The following NANOG variants were observed in gnomAD, a reference collection of about 807,000 sequenced individuals.
NANOG encodes the protein Nanog homeobox.
In NANOG, 2 loss-of-function variants were observed where a neutral mutation model predicts 17.7. That is an observed-to-expected ratio of 0.11 (90% CI 0.05 to 0.36). The LOEUF is 0.36. NANOG is among the 10% of genes least tolerant of loss of function. The probability of loss-of-function intolerance (pLI) is 1.00; values close to 1 mark genes in which losing one functional copy is unlikely to be tolerated. For synonymous variants in NANOG, 81 were observed against 124.7 expected (o/e 0.65, Z 2.33); for missense variants, 174 against 362.1 (o/e 0.48, Z 4.22).
At chr12:7,791,204 G>A (rs1862836312) in intron 1 of NANOG, among the ~76,000 whole-genome samples, 1 of 151,324 alleles carries the variant, frequency 6.6e-6, no homozygotes, top group Admixed American at 6.6e-5. Flanking sequence ...CGCCTCCTAG[G>A]TTCAGGTGAT....
At chr12:7,790,221 C>T (rs1320709299) in intron 1 of NANOG, among the ~76,000 whole-genome samples, 2 of 152,270 alleles carry the variant, frequency 1.3e-5, no homozygotes, top group African/African-American at 2.4e-5. Context: ...TGGCAAATCA[C>T]GATGAGATTT....
rs1862962096 is a variant in NANOG at position 7,798,843 on chromosome 12, G to GA, written c.*3749dup. The GA allele has an allele frequency of 8.9e-6, 1 of 112,226 alleles. No individual in the cohort carries two copies. Among genetic ancestry groups the GA allele is most frequent in the Non-Finnish European group, 1.8e-5 (1 of 55,150 alleles). 7.0% of individuals were successfully genotyped at this position (112,226 alleles called of 1,614,324 possible). A position where few individuals can be genotyped will look rare whatever the true frequency, so the allele number is the denominator to read the frequency against. Reference sequence around the variant, plus strand: ...GCCAGACAGAGGCAGGAAAGTGGGGGAGAGCCCTTGGTAAATATTGCATGC... The same window carrying GA: ...GCCAGACAGAGGCAGGAAAGTGGGGGAAGAGCCCTTGGTAAATATTGCATGC... On this transcript the variant is annotated 3_prime_UTR_variant, in exon 4 of 4. Transcript: ENST00000229307.
chr12:7,790,455 G>T (rs1862824060), intron 1 of NANOG, among the ~76,000 whole-genome samples: 2 of 152,202 alleles, frequency 1.3e-5, no homozygotes, highest in Middle Eastern at 3.4e-3. Context: ...GTCCAGTTTG[G>T]CTTCAAAACC....
chr12:7,793,349 A>G, intron 2 of NANOG, 137 bp downstream of exon 2: 1 of 756,118 alleles, frequency 1.3e-6, no homozygotes, highest in South Asian at 1.9e-5. Flanking sequence ...TGAAGATGAA[A>G]TGCTTTTGTA....
In NANOG at chr12:7,798,135, G is replaced by A. The variant is rs761366403; in HGVS notation, c.*3040G>A. On this transcript the variant is annotated 3_prime_UTR_variant, in exon 4 of 4. Transcript: ENST00000229307. The stretch of plus-strand genomic sequence containing the variant: ...CTCACACCTGTAATCCCAGCACTTC[G>A]GGAGACCAAGGCAGGTGGATCACCT... 4 of 152,140 alleles carry A rather than the reference G, an allele frequency of 2.6e-5. No individual in the cohort carries two copies. In the East Asian group the frequency reaches 5.8e-4, roughly 22 times the overall value. The allele number at this position is 152,140 out of a possible 1,614,324, so 9.4% of individuals were successfully genotyped here. A position where few individuals can be genotyped will look rare whatever the true frequency, so the allele number is the denominator to read the frequency against.
At position 7,793,786 on chromosome 12, in the gene NANOG, C is replaced by T. The variant is rs755984025; in HGVS notation, c.414+574C>T. Among the ~76,000 whole-genome samples the T allele has an allele frequency of 1.7e-3, 258 of 152,106 alleles. 2 individuals are homozygous for T. The highest frequency in any genetic ancestry group is 6.0e-3 in the African/African-American group (250 of 41,546). On this transcript the variant is annotated intron_variant, in intron 2 of 3. Coordinates refer to ENST00000229307, the MANE Select transcript of NANOG (RefSeq NM_024865.4). ...GCCTCATAATGAGACATCATAATGA[C>T]ATTAGCATTACTTGGTTTAAGTACA...
chr12:7,797,374 T>TTTTTG lies in NANOG; in HGVS notation c.*2279_*2280insTTTTG, dbSNP rs1862945797. The stretch of plus-strand genomic sequence containing the variant: ...TCTGGGCAATTTTTTTTTTTTTTTT[T>TTTTTG]GAGATGGAACTTCACTTTTGTTACT... On this transcript the variant is annotated 3_prime_UTR_variant, in exon 4 of 4. Transcript: ENST00000229307. The TTTTTG allele has an allele frequency of 1.3e-5, 2 of 150,198 alleles. No homozygotes were observed. The highest frequency in any genetic ancestry group is 4.9e-5 in the African/African-American group (2 of 40,762). The allele number at this position is 150,198 out of a possible 1,614,324, so 9.3% of individuals were successfully genotyped here. A position where few individuals can be genotyped will look rare whatever the true frequency, so the allele number is the denominator to read the frequency against.
At chr12:7,790,983 G>T (rs749959547) in intron 1 of NANOG, among the ~76,000 whole-genome samples, 1 of 152,206 alleles carries the variant, frequency 6.6e-6, no homozygotes, top group Non-Finnish European at 1.5e-5. Flanking sequence ...GACCTCAAGT[G>T]ATCCTCCACC....
Position 7,794,889 on chromosome 12 carries a change from A to T in NANOG, c.712A>T (p.Ser238Cys), listed in dbSNP as rs2120574747. ...ATCCTGGAACAATCAGGCCTGGAAC[A>T]GTCCCTTCTATAACTGTGGAGAGGA... ...TQSWNNQAWN[S>C]PFYNCGEESL... The change falls in exon 4 of 4, where the codon AGT becomes TGT. Residue 238 changes from serine (S) to cysteine (C), a missense_variant. Ser to Cys is a moderately radical substitution (Grantham distance 112). Around this residue, in one of 2 missense-constraint regions of NANOG, gnomAD observed 16 missense variants for 117.9 expected, o/e 0.14. Transcript: ENST00000229307. The T allele has an allele frequency of 7.5e-7, 1 of 1,329,012 alleles. No homozygotes were observed. The highest frequency in any genetic ancestry group is 1.2e-5 in the South Asian group (1 of 81,918). 82.3% of individuals were successfully genotyped at this position (1,329,012 alleles called of 1,614,324 possible). A position where few individuals can be genotyped will look rare whatever the true frequency, so the allele number is the denominator to read the frequency against.
chr12:7,794,684 C>G lies in NANOG; in HGVS notation c.507C>G (p.Ala169=). The change falls in exon 4 of 4, where the codon GCC becomes GCG. Residue 169 remains alanine (A), a synonymous_variant. Coordinates refer to ENST00000229307, the MANE Select transcript of NANOG (RefSeq NM_024865.4). The part of the protein sequence containing the change: ...PKNSNGVTQK[A]SAPTYPSLYS... ...AATCCCTCCTTCTCTTTCAGAAGGC[C>G]TCAGCACCTACCTACCCCAGCCTTT... is the stretch of plus-strand genomic sequence containing the variant. 1 of 1,610,640 alleles carries G rather than the reference C, an allele frequency of 6.2e-7. No homozygotes were observed. The highest frequency in any genetic ancestry group is 2.2e-5 in the East Asian group (1 of 44,876).
chr12:7,792,956 C>A lies in NANOG; in HGVS notation c.158C>A (p.Pro53His). 1 of 1,604,422 alleles carries A rather than the reference C, an allele frequency of 6.2e-7. No individual in the cohort carries two copies. The highest frequency in any genetic ancestry group is 8.5e-7 in the Non-Finnish European group (1 of 1,175,668). The change falls in exon 2 of 4, where the codon CCT (proline) becomes CAT (histidine). Residue 53 changes from proline (P) to histidine (H), a missense_variant. This residue lies in a region of NANOG where 158 missense variants were observed against 244.2 expected (regional missense o/e 0.65). Transcript: ENST00000229307. ...AEMPHTETVSPLPSSMDLLIQ... is the reference protein window; with the variant it reads ...AEMPHTETVSHLPSSMDLLIQ... ...TTTTATTTGTTCCCAACAGTCTCTC[C>A]TCTTCCTTCCTCCATGGATCTGCTT...
chr12:7,791,153 C>T (rs772477018), intron 1 of NANOG, among the ~76,000 whole-genome samples: 6 of 150,830 alleles, frequency 4.0e-5, no homozygotes, highest in Admixed American at 1.3e-4. Context: ...CTGTTGCCCA[C>T]GCGGGAGTGC....
intron 2 of NANOG, 72 bp from the exon 3 acceptor site, chr12:7,794,381 AAGTT>A: frequency 1.5e-6 from 2 of 1,349,634 alleles, no homozygotes; most frequent in Non-Finnish European, 2.1e-6. Context: ...CCAGGAATAA[AAGTT>A]AGCAATATAC....
At chr12:7,789,872 A>G in intron 1 of NANOG, 107 bp downstream of exon 1, 1 of 1,197,226 alleles carries the variant, frequency 8.4e-7, no homozygotes, top group Non-Finnish European at 1.2e-6. Context: ...GACCATTACT[A>G]TAAAGAAGTG....
At chr12:7,789,841 T>C in intron 1 of NANOG, 76 bp downstream of exon 1, 1 of 1,443,948 alleles carries the variant, frequency 6.9e-7, no homozygotes, top group Non-Finnish European at 9.6e-7. Flanking sequence ...TAAGGGATCA[T>C]TTCCCTCTTG....
chr12:7,798,062 T>C lies in NANOG; in HGVS notation c.*2967T>C, dbSNP rs1359220852. 1.3e-5 allele frequency: 2 copies of C among 152,184 alleles called. No homozygotes were observed. The highest frequency in any genetic ancestry group is 1.3e-4 in the Admixed American group (2 of 15,274). 9.4% of individuals were successfully genotyped at this position (152,184 alleles called of 1,614,324 possible). On this transcript the variant is annotated 3_prime_UTR_variant, in exon 4 of 4. Coordinates refer to ENST00000229307, the MANE Select transcript of NANOG (RefSeq NM_024865.4). ...TTTGGAATAATCTTTAAAGTAACAATAATAACTACAGTCAAAAGCAGTAAG... is the reference window on the plus strand; with the variant it reads ...TTTGGAATAATCTTTAAAGTAACAACAATAACTACAGTCAAAAGCAGTAAG...
rs781263220 is a variant in NANOG, at chr12:7,794,636, G to T, written c.502-43G>T. ...ACAACTCCAGTCACAGACAGTTCTG[G>T]TTGTCCTTGTACCCTTTCTGTTAAT... is the stretch of plus-strand genomic sequence containing the variant. On this transcript the variant is annotated intron_variant, in intron 3 of 3. Coordinates refer to ENST00000229307, the MANE Select transcript of NANOG (RefSeq NM_024865.4). 81 of 1,611,168 alleles carry T rather than the reference G, an allele frequency of 5.0e-5. No individual in the cohort carries two copies. In the East Asian group the frequency reaches 1.7e-3, roughly 35 times the overall value.
At chr12:7,792,899 T>C in intron 1 of NANOG, 51 bp from the exon 2 acceptor site, 1 of 1,532,396 alleles carries the variant, frequency 6.5e-7, no homozygotes, top group South Asian at 1.2e-5. Context: ...AAGGATATTT[T>C]AATATTTGAA....
At chr12:7,793,540 T>G (rs969534358) in intron 2 of NANOG, among the ~76,000 whole-genome samples, 2 of 152,224 alleles carry the variant, frequency 1.3e-5, no homozygotes, top group African/African-American at 4.8e-5. Context: ...TGGTTCTCAT[T>G]AAAATAAAAA....
Sources: gnomAD v4.1 joint callset for allele counts (sites outside exome capture counted in the v4.1 genomes callset) on GRCh38, gnomAD v4.1.1 for gene constraint, gnomAD v4.1.1 regional missense constraint, MANE v1.5 for transcripts, NCBI Gene and HGNC (gene_info 2026-07-23, HGNC 2026-07-21) for gene names.